CLSTN2: variants seen among roughly 807,000 people sequenced by gnomAD.
The protein encoded by CLSTN2 is calsyntenin 2, also known as calsyntenin-2.
In CLSTN2, 48 loss-of-function variants were observed where a neutral mutation model predicts 101.2. That is an observed-to-expected ratio of 0.47 (90% CI 0.38 to 0.60). The LOEUF (loss-of-function observed/expected upper bound fraction) is 0.60, where lower values mean the gene tolerates loss of function less well. Ranked by LOEUF, CLSTN2 falls within the 20% of genes least tolerant of loss-of-function variation. CLSTN2 has a pLI of 0.00. For synonymous variants in CLSTN2, 481 were observed against 463.6 expected (o/e 1.04, Z -0.48); for missense variants, 1,160 against 1,238.2 (o/e 0.94, Z 0.95).
At chr3:139,989,899 G>A (rs59142272) in intron 1 of CLSTN2, among the ~76,000 whole-genome samples, 29,892 of 152,184 alleles carry the variant, frequency 0.2, 3,118 homozygotes, top group African/African-American at 0.28. Flanking sequence ...TAATGTGAAA[G>A]TTTTAATTGT....
intron 1 of CLSTN2, among the ~76,000 whole-genome samples, chr3:140,077,965 G>A (rs2008520674): frequency 6.6e-6 from 1 of 152,184 alleles, no homozygotes; most frequent in Non-Finnish European, 1.5e-5. Flanking sequence ...AGGAACTGGA[G>A]AGAAATGTTG....
chr3:139,953,616 C>T (rs1369492265), intron 1 of CLSTN2, among the ~76,000 whole-genome samples: 2 of 152,184 alleles, frequency 1.3e-5, no homozygotes, highest in East Asian at 1.9e-4. Flanking sequence ...TTACCAATGA[C>T]TCACAGGCAT....
chr3:140,367,315 C>A (rs2087802212), intron 2 of CLSTN2, among the ~76,000 whole-genome samples: 1 of 151,868 alleles, frequency 6.6e-6, no homozygotes, highest in Non-Finnish European at 1.5e-5. Context: ...GAGATCGAGA[C>A]CATCGTGGCC....
chr3:139,969,283 C>T (rs796930177), intron 1 of CLSTN2, among the ~76,000 whole-genome samples: 9 of 152,288 alleles, frequency 5.9e-5, no homozygotes, highest in African/African-American at 2.2e-4. Flanking sequence ...ATCTGCCATC[C>T]CAATTGCTCT....
At chr3:140,547,803 A>G (rs999724000) in intron 10 of CLSTN2, among the ~76,000 whole-genome samples, 6 of 152,140 alleles carry the variant, frequency 3.9e-5, no homozygotes, top group South Asian at 4.1e-4. Flanking sequence ...CCACTCAATC[A>G]TAGTGGACCC....
At chr3:140,398,919 C>G (rs1187478013) in intron 2 of CLSTN2, among the ~76,000 whole-genome samples, 1 of 152,206 alleles carries the variant, frequency 6.6e-6, no homozygotes, top group Non-Finnish European at 1.5e-5. Flanking sequence ...GAGATACCTG[C>G]TCACAGGACT....
At chr3:140,505,536 T>G (rs1465247015) in intron 8 of CLSTN2, 1 of 152,188 alleles carries the variant, frequency 6.6e-6, no homozygotes, top group Non-Finnish European at 1.5e-5. Context: ...CAGCACGTGC[T>G]GTTTTTTTGT....
intron 8 of CLSTN2, among the ~76,000 whole-genome samples, chr3:140,514,339 C>T (rs947347788): frequency 2.6e-5 from 4 of 152,146 alleles, no homozygotes; most frequent in Non-Finnish European, 1.5e-5. Flanking sequence ...TAGCTTAGCT[C>T]CCACTCATGA....
chr3:139,998,425 C>A (rs1185268880), intron 1 of CLSTN2, among the ~76,000 whole-genome samples: 1 of 139,334 alleles, frequency 7.2e-6, no homozygotes, highest in Non-Finnish European at 1.5e-5. Flanking sequence ...AGCTCCGCCT[C>A]CCGGGTTCAC....
intron 2 of CLSTN2, among the ~76,000 whole-genome samples, chr3:140,204,015 T>A (rs890950820): frequency 6.6e-6 from 1 of 152,224 alleles, no homozygotes; most frequent in Non-Finnish European, 1.5e-5. Flanking sequence ...CTAGATCTCT[T>A]TCTTTCTGTC....
At chr3:140,380,231 G>C (rs913503145) in intron 2 of CLSTN2, among the ~76,000 whole-genome samples, 4 of 152,184 alleles carry the variant, frequency 2.6e-5, no homozygotes, top group Non-Finnish European at 5.9e-5. Context: ...GGGAGTGTGT[G>C]TCTGTCACAG....
intron 2 of CLSTN2, among the ~76,000 whole-genome samples, chr3:140,310,117 G>A (rs2087151551): frequency 6.6e-6 from 1 of 151,998 alleles, no homozygotes; most frequent in African/African-American, 2.4e-5. Flanking sequence ...CTCTAAGACT[G>A]CAGGAGCTCA....
intron 2 of CLSTN2, among the ~76,000 whole-genome samples, chr3:140,185,399 AG>A (rs758975478): frequency 9.2e-5 from 14 of 152,212 alleles, no homozygotes; most frequent in Non-Finnish European, 2.1e-4. Context: ...AGACTCAACA[AG>A]CTCCAAGCTT....
At chr3:140,130,910 G>C (rs1030029272) in intron 1 of CLSTN2, among the ~76,000 whole-genome samples, 7 of 152,214 alleles carry the variant, frequency 4.6e-5, no homozygotes, top group African/African-American at 1.7e-4. Flanking sequence ...TTACACCATA[G>C]TTTCCTGTTC....
At chr3:139,936,211 G>C (rs1409932603) in intron 1 of CLSTN2, among the ~76,000 whole-genome samples, 5 of 152,180 alleles carry the variant, frequency 3.3e-5, no homozygotes, top group African/African-American at 1.2e-4. Context: ...CGAACGCCTG[G>C]CTCTGTCAGG....
chr3:140,286,791 A>G (rs1220885932), intron 2 of CLSTN2, among the ~76,000 whole-genome samples: 4 of 152,168 alleles, frequency 2.6e-5, no homozygotes, highest in Non-Finnish European at 5.9e-5. Flanking sequence ...TGGATAGAAG[A>G]AGGAGGAGTA....
intron 2 of CLSTN2, among the ~76,000 whole-genome samples, chr3:140,347,931 G>A (rs779372078): frequency 6.6e-6 from 1 of 152,234 alleles, no homozygotes; most frequent in Non-Finnish European, 1.5e-5. Context: ...GAAGGATTCT[G>A]AGGCTGAAAA....
At chr3:140,083,498 G>A (rs1008992925) in intron 1 of CLSTN2, among the ~76,000 whole-genome samples, 8 of 152,330 alleles carry the variant, frequency 5.3e-5, no homozygotes, top group Non-Finnish European at 1.2e-4. Flanking sequence ...AGGTCTTCCC[G>A]AGCAGCAAGT....
intron 2 of CLSTN2, among the ~76,000 whole-genome samples, chr3:140,187,490 A>C (rs1377145953): frequency 6.6e-6 from 1 of 152,082 alleles, no homozygotes; most frequent in Admixed American, 6.5e-5. Flanking sequence ...ATGTTGTTTG[A>C]ACTCTTAGTG....
Sources: gnomAD v4.1 joint callset for allele counts (sites outside exome capture counted in the v4.1 genomes callset) on GRCh38, gnomAD v4.1.1 for gene constraint, MANE v1.5 for transcripts, NCBI Gene and HGNC (gene_info 2026-07-23, HGNC 2026-07-21) for gene names.